ABCB1: variants seen among roughly 807,000 people sequenced by gnomAD.
ABCB1 encodes the protein ATP binding cassette subfamily B member 1.
Under a neutral mutation model 142.0 loss-of-function variants are expected in ABCB1, and 69 were observed. The observed-to-expected ratio is 0.49, with a 90% confidence interval of 0.40 to 0.59. The LOEUF (loss-of-function observed/expected upper bound fraction) is 0.59. Ranked by LOEUF, ABCB1 falls within the 20% of genes least tolerant of loss-of-function variation. The pLI, the probability that ABCB1 is intolerant of heterozygous loss-of-function variation, is 0.00. For missense variants in ABCB1, 1,326 were observed against 1,554.7 expected (o/e 0.85, Z 2.47); for synonymous variants, 532 against 539.2 (o/e 0.99, Z 0.18).
chr7:87,572,736 T>C (rs528117657), intron 4 of ABCB1, among the ~76,000 whole-genome samples: 3 of 152,208 alleles, frequency 2.0e-5, no homozygotes, highest in Non-Finnish European at 4.4e-5. Flanking sequence ...AATGAGATCA[T>C]GTCCTTTGCA....
At chr7:87,694,771 C>T (rs767520418) in intron 1 of ABCB1, among the ~76,000 whole-genome samples, 2 of 152,100 alleles carry the variant, frequency 1.3e-5, no homozygotes, top group Non-Finnish European at 2.9e-5. Context: ...AAAAACAAAA[C>T]GTTTGTTCTC....
chr7:87,552,711 G>GAAAAAGA (rs1817129557), intron 9 of ABCB1, among the ~76,000 whole-genome samples: 1 of 141,352 alleles, frequency 7.1e-6, no homozygotes, highest in African/African-American at 2.7e-5. Flanking sequence ...AGGCAAATTT[G>GAAAAAGA]AAAAAAAAAG....
At chr7:87,585,120 GTT>G (rs1430055483) in intron 4 of ABCB1, among the ~76,000 whole-genome samples, 1 of 152,014 alleles carries the variant, frequency 6.6e-6, no homozygotes, top group Non-Finnish European at 1.5e-5. Context: ...CATCCTCCCA[GTT>G]TCTAGGGCTA....
At chr7:87,675,113 C>T (rs1826194708) in intron 1 of ABCB1, among the ~76,000 whole-genome samples, 1 of 152,206 alleles carries the variant, frequency 6.6e-6, no homozygotes, top group Non-Finnish European at 1.5e-5. Context: ...ACTTGTTCAA[C>T]TTGCCTTTTC....
At chr7:87,580,250 C>T (rs1818453315) in intron 4 of ABCB1, among the ~76,000 whole-genome samples, 3 of 152,174 alleles carry the variant, frequency 2.0e-5, no homozygotes, top group African/African-American at 7.2e-5. Flanking sequence ...TTGAATAAAT[C>T]CCTCAGCTTT....
chr7:87,532,703 A>G (rs1361912891), intron 20 of ABCB1, among the ~76,000 whole-genome samples: 1 of 152,170 alleles, frequency 6.6e-6, no homozygotes, highest in Non-Finnish European at 1.5e-5. Context: ...AATAAGTATA[A>G]GCAGCTGAGC....
At chr7:87,705,430 A>G (rs1019602486) in intron 1 of ABCB1, among the ~76,000 whole-genome samples, 1 of 152,112 alleles carries the variant, frequency 6.6e-6, no homozygotes. Context: ...CATCTAAGAA[A>G]ACAAACAAAA....
chr7:87,522,418 T>A, intron 21 of ABCB1: 1 of 656,530 alleles, frequency 1.5e-6, no homozygotes, highest in Non-Finnish European at 2.9e-6. Context: ...GATTTTAAAT[T>A]ACTGCCAGGA....
intron 1 of ABCB1, among the ~76,000 whole-genome samples, chr7:87,615,308 T>G (rs1343776412): frequency 6.6e-6 from 1 of 152,184 alleles, no homozygotes; most frequent in African/African-American, 2.4e-5. Flanking sequence ...TTGTGCTGTG[T>G]GTTTAGTCCA....
At chr7:87,627,717 C>T (rs1029970352) in intron 1 of ABCB1, 9 of 152,376 alleles carry the variant, frequency 5.9e-5, no homozygotes, top group Non-Finnish European at 1.3e-4. Context: ...GAGGCCGCGT[C>T]GTTCCTGGGC....
intron 1 of ABCB1, among the ~76,000 whole-genome samples, chr7:87,688,686 CAT>C (rs899045297): frequency 9.2e-5 from 14 of 151,810 alleles, no homozygotes; most frequent in African/African-American, 3.1e-4. Context: ...TGTTTTAAAA[CAT>C]ATGAAATATT....
Position 87,589,836 on chromosome 7 carries a change from G to GA in ABCB1, c.118-4157_118-4156insT, listed in dbSNP as rs1491128265. Among the ~76,000 whole-genome samples, 669 of 133,936 alleles carry GA rather than the reference G, an allele frequency of 5.0e-3. 4 individuals are homozygous for GA. Among genetic ancestry groups the GA allele is most frequent in the African/African-American group, 0.019 (591 of 31,922 alleles). 87.9% of individuals were successfully genotyped at this position (133,936 alleles called of 152,430 possible). Reference sequence around the variant, plus strand: ...AGAGAGAGAGAGAGAGAGAGAGAGAGGGAGAGAGGGAGGGAGAGAGAGAGA... The same window carrying GA: ...AGAGAGAGAGAGAGAGAGAGAGAGAGAGGAGAGAGGGAGGGAGAGAGAGAGA... On this transcript the variant is annotated intron_variant, in intron 3 of 27. Coordinates refer to ENST00000622132, the MANE Select transcript of ABCB1 (RefSeq NM_001348946.2).
intron 1 of ABCB1, among the ~76,000 whole-genome samples, chr7:87,655,360 G>A (rs763616026): frequency 1.1e-4 from 16 of 151,986 alleles, no homozygotes; most frequent in Non-Finnish European, 1.5e-4. Context: ...AAAAAGTTGC[G>A]TATATAAACA....
At position 87,622,064 on chromosome 7, in the gene ABCB1, G is replaced by T. The variant is rs151325576; in HGVS notation, c.-330-20986C>A. Among the ~76,000 whole-genome samples, 40 of 152,134 alleles carry T rather than the reference G, an allele frequency of 2.6e-4. 1 individual carries two copies. Among genetic ancestry groups the T allele is most frequent in the Middle Eastern group, 6.8e-3 (2 of 294 alleles). Reference sequence around the variant, plus strand: ...CATAAAGTATATAATCTTGGAGGTGGCAAAGGCTATTCTAAAATGATCAAA... The same window carrying T: ...CATAAAGTATATAATCTTGGAGGTGTCAAAGGCTATTCTAAAATGATCAAA... On this transcript the variant is annotated intron_variant, in intron 1 of 28. Transcript: ENST00000265724.
upstream of ABCB1, among the ~76,000 whole-genome samples, chr7:87,601,833 T>C (rs529378146): frequency 1.2e-4 from 18 of 152,278 alleles, no homozygotes; most frequent in South Asian, 3.3e-3. Context: ...AAGAAGAAAA[T>C]CACTTTGTTT....
At chr7:87,586,115 G>C (rs527958059) in intron 3 of ABCB1, among the ~76,000 whole-genome samples, 19 of 152,274 alleles carry the variant, frequency 1.2e-4, no homozygotes, top group East Asian at 1.9e-4. Context: ...AAGTGGTTTG[G>C]GTTAAAGACC....
intron 1 of ABCB1, among the ~76,000 whole-genome samples, chr7:87,665,317 A>G (rs1394564158): frequency 6.6e-6 from 1 of 152,136 alleles, no homozygotes; most frequent in Non-Finnish European, 1.5e-5. Flanking sequence ...AAAAATAGAA[A>G]TTAAGAAAAC....
At position 87,503,203 on chromosome 7, in the gene ABCB1, A is replaced by G. The variant is rs1202277276; in HGVS notation, c.*1040T>C. Among the ~76,000 whole-genome samples the G allele has an allele frequency of 6.8e-6, 1 of 146,060 alleles. No individual in the cohort carries two copies. Among genetic ancestry groups the G allele is most frequent in the East Asian group, 2.0e-4 (1 of 5,072 alleles). On this transcript the variant is annotated 3_prime_UTR_variant, in exon 28 of 28. Transcript: ENST00000622132. The stretch of plus-strand genomic sequence containing the variant: ...CTGGAGGTGATGGCTTCTTTTTTTT[A>G]TTTTTAGAAGTTGCTTATTTAAGAT...
chr7:87,670,392 A>T (rs1403215255), intron 1 of ABCB1, among the ~76,000 whole-genome samples: 1 of 151,906 alleles, frequency 6.6e-6, no homozygotes, highest in Non-Finnish European at 1.5e-5. Flanking sequence ...TGTGATTCTC[A>T]TTTTCCTTGG....
Sources: allele counts gnomAD v4.1 joint callset (sites outside exome capture counted in the v4.1 genomes callset), GRCh38; gene constraint gnomAD v4.1.1; transcripts MANE v1.5; gene names NCBI Gene and HGNC (gene_info 2026-07-23, HGNC 2026-07-21).